Variants in OR2K2 observed in about 807,000 individuals in gnomAD.
The protein encoded by OR2K2 is olfactory receptor family 2 subfamily K member 2.
OR2K2 carries 7 observed loss-of-function variants against 11.1 expected under a neutral mutation model. That is an observed-to-expected ratio of 0.63 (90% confidence interval 0.36 to 1.19). OR2K2 has a LOEUF of 1.19. Ranked by LOEUF, OR2K2 falls within the 50% of genes most tolerant of loss-of-function variation. The pLI, the probability that OR2K2 is intolerant of heterozygous loss-of-function variation, is 0.02. For missense variants in OR2K2, 391 were observed against 383.4 expected (o/e 1.02, Z -0.17); for synonymous variants, 152 against 150.8 (o/e 1.01, Z -0.06).
rs571853918 is a variant in OR2K2, at chr9:111,328,204, G to C, written c.230C>G (p.Ser77Cys). 17 of 1,614,224 alleles carry C rather than the reference G, an allele frequency of 1.1e-5. No individual in the cohort carries two copies. The African/African-American group carries it at 2.0e-4, about 19-fold the overall frequency. The change falls in exon 2 of 2, where the codon TCT (serine) becomes TGT (cysteine). Residue 77 changes from serine (S) to cysteine (C), a missense_variant. Physicochemically the swap from Ser to Cys is moderately radical, Grantham distance 112 (BLOSUM62 -1). Coordinates refer to ENST00000302681, the MANE Select transcript of OR2K2 (RefSeq NM_205859.2). Reference sequence around the variant, plus strand: ...CAAGTTCACCAGCAAAGTAGGAACAGAGGCAGATGTGTAACAAATATCCAT... The same window carrying C: ...CAAGTTCACCAGCAAAGTAGGAACACAGGCAGATGTGTAACAAATATCCAT... Reference protein sequence around the residue: ...SFMDICYTSASVPTLLVNLLS... With the variant: ...SFMDICYTSACVPTLLVNLLS...
Position 111,327,480 on chromosome 9 carries a change from C to G in OR2K2, c.*3G>C. ...CATCTCTGGTAAAACCATAGGGACC[C>G]AATCAGAGATGTTCGTGTGTTTGAT... On this transcript the variant is annotated 3_prime_UTR_variant, in exon 2 of 2. Transcript: ENST00000302681. 6.3e-7 allele frequency: 1 copy of G among 1,577,234 alleles called. No individual in the cohort carries two copies. Among genetic ancestry groups the G allele is most frequent in the Non-Finnish European group, 8.6e-7 (1 of 1,159,572 alleles).
Position 111,328,387 on chromosome 9 carries a change from C to A in OR2K2, c.47G>T (p.Gly16Val). 6.2e-7 allele frequency: 1 copy of A among 1,612,354 alleles called. No homozygotes were observed. Among genetic ancestry groups the A allele is most frequent in the South Asian group, 1.1e-5 (1 of 91,028 alleles). Residue 16 changes from glycine (G) to valine (V), a missense_variant, in exon 2 of 2, where the codon GGA becomes GTA. Transcript: ENST00000302681. ...TTCTAACCCTGGGTACTGGGAAAAT[C>A]CCTCCAAGAAAAAAATGCTCCAAAT... is the stretch of plus-strand genomic sequence containing the variant. Reference protein sequence around the residue: ...FTIWSIFFLEGFSQYPGLEVV... With the variant: ...FTIWSIFFLEVFSQYPGLEVV...
Position 111,328,284 on chromosome 9 carries a change from G to T in OR2K2, c.150C>A (p.Ile50=). 6.2e-7 allele frequency: 1 copy of T among 1,614,126 alleles called. No individual in the cohort carries two copies. The highest frequency in any genetic ancestry group is 8.5e-7 in the Non-Finnish European group (1 of 1,180,008). Residue 50 remains isoleucine, a synonymous_variant, in exon 2 of 2, where the codon ATC becomes ATA. Transcript: ENST00000302681. The stretch of plus-strand genomic sequence containing the variant: ...TGGGGGTTTTAAGGCGTGAATCTAG[G>T]ATAGTGATCAAAATAAGAGTGCTGT... ...LGNSTLILIT[I]LDSRLKTPMY...
At position 111,328,419 on chromosome 9, in the gene OR2K2, GTTTTCT is replaced by G; in HGVS notation, c.9_14del (p.Glu4_Asn5del). 2 of 1,606,534 alleles carry G rather than the reference GTTTTCT, an allele frequency of 1.2e-6. No homozygotes were observed. Among genetic ancestry groups the G allele is most frequent in the Non-Finnish European group, 1.7e-6 (2 of 1,178,054 alleles). On this transcript the variant is annotated inframe_deletion, in exon 2 of 2. Coordinates refer to ENST00000302681, the MANE Select transcript of OR2K2 (RefSeq NM_205859.2). ...AGAAAAAAATGCTCCAAATGGTGAA[GTTTTCT>G]CCTTGCATTTTCTTTCTTTCATCTA... is the stretch of plus-strand genomic sequence containing the variant.
chr9:111,327,435 G>A lies in OR2K2; in HGVS notation c.*48C>T. The A allele has an allele frequency of 4.0e-6, 5 of 1,262,300 alleles. No homozygotes were observed. Among genetic ancestry groups the A allele is most frequent in the Non-Finnish European group, 5.6e-6 (5 of 897,258 alleles). The allele number at this position is 1,262,300 out of a possible 1,614,324, so 78.2% of individuals were successfully genotyped here. A position where few individuals can be genotyped will look rare whatever the true frequency, so the allele number is the denominator to read the frequency against. On this transcript the variant is annotated 3_prime_UTR_variant, in exon 2 of 2. Coordinates refer to ENST00000302681, the MANE Select transcript of OR2K2 (RefSeq NM_205859.2). ...GTTGTATGTTGTCTCGAATTTCTCTGATGAGCTCTGCCAGGGGCACATCTC... is the reference window on the plus strand; with the variant it reads ...GTTGTATGTTGTCTCGAATTTCTCTAATGAGCTCTGCCAGGGGCACATCTC...
chr9:111,329,201 C>CA (rs1202723378), intron 1 of OR2K2, among the ~76,000 whole-genome samples: 2 of 150,492 alleles, frequency 1.3e-5, no homozygotes, highest in Admixed American at 6.6e-5. Context: ...GACTCTGTCT[C>CA]AAAAAAAAGA....
chr9:111,328,631 T>A, intron 1 of OR2K2, 149 bp from the exon 2 acceptor site: 3 of 569,670 alleles, frequency 5.3e-6, no homozygotes, highest in Non-Finnish European at 3.1e-6. Context: ...CAGGTTGATG[T>A]ACATAAGTTG....
intron 1 of OR2K2, 136 bp from the exon 2 acceptor site, chr9:111,328,618 G>T (rs75629623): frequency 3.4e-6 from 2 of 588,118 alleles, no homozygotes; most frequent in Non-Finnish European, 6.0e-6. Context: ...GTAAGGGGGG[G>T]AGCAGGTTGA....
In OR2K2 at chr9:111,327,399, A is replaced by T. The variant is rs2098101521; in HGVS notation, c.*84T>A. On this transcript the variant is annotated 3_prime_UTR_variant, in exon 2 of 2. Transcript: ENST00000302681. ...TTATATAGAGATAAGATCCGATCAGAGTTCTAAGAGGTTGTATGTTGTCTC... is the reference window on the plus strand; with the variant it reads ...TTATATAGAGATAAGATCCGATCAGTGTTCTAAGAGGTTGTATGTTGTCTC... 1.2e-6 allele frequency: 1 copy of T among 840,266 alleles called. No individual in the cohort carries two copies. The highest frequency in any genetic ancestry group is 1.9e-6 in the Non-Finnish European group (1 of 520,118). 52.1% of individuals were successfully genotyped at this position (840,266 alleles called of 1,614,324 possible). A position where few individuals can be genotyped will look rare whatever the true frequency, so the allele number is the denominator to read the frequency against.
chr9:111,327,351 G>A lies in OR2K2; in HGVS notation c.*132C>T, dbSNP rs776328550. 6.5e-5 allele frequency: 40 copies of A among 615,994 alleles called. No homozygotes were observed. Among genetic ancestry groups the A allele is most frequent in the Non-Finnish European group, 1.1e-4 (39 of 348,290 alleles). The allele number at this position is 615,994 out of a possible 1,614,324, so 38.2% of individuals were successfully genotyped here. A position where few individuals can be genotyped will look rare whatever the true frequency, so the allele number is the denominator to read the frequency against. On this transcript the variant is annotated 3_prime_UTR_variant, in exon 2 of 2. Coordinates refer to ENST00000302681, the MANE Select transcript of OR2K2 (RefSeq NM_205859.2). ...TATTATTAATAGGCAATCACTCTGT[G>A]TATGCAGCTCATAACTGTGAAATTA...
rs750980328 is a variant in OR2K2 at position 111,327,761 on chromosome 9, G to A, written c.673C>T (p.Leu225=). Residue 225 remains leucine, a synonymous_variant, in exon 2 of 2, where the codon CTG becomes TTG. Coordinates refer to ENST00000302681, the MANE Select transcript of OR2K2 (RefSeq NM_205859.2). The part of the protein sequence containing the change: ...ISYIFILSTI[L]RITSAEGRNK... ...CTTCCCTCTGCTGAGGTGATTCTCA[G>A]AATAGTGGAAAGGATGAAGATGTAA... 1.2e-6 allele frequency: 2 copies of A among 1,614,068 alleles called. No individual in the cohort carries two copies. Among genetic ancestry groups the A allele is most frequent in the African/African-American group, 2.7e-5 (2 of 74,924 alleles).
At chr9:111,328,518 C>G in intron 1 of OR2K2, 36 bp from the exon 2 acceptor site, 2 of 898,738 alleles carry the variant, frequency 2.2e-6, no homozygotes, top group Non-Finnish European at 3.4e-6. Flanking sequence ...GTGTGATATT[C>G]ATTTAGTTAG....
chr9:111,329,035 G>C (rs919364803), intron 1 of OR2K2, among the ~76,000 whole-genome samples: 1 of 152,032 alleles, frequency 6.6e-6, no homozygotes, highest in Admixed American at 6.6e-5. Flanking sequence ...CAACATGATG[G>C]TGAAATCCTA....
Position 111,327,761 on chromosome 9 carries a change from G to C in OR2K2, c.673C>G (p.Leu225Val). ...CTTCCCTCTGCTGAGGTGATTCTCA[G>C]AATAGTGGAAAGGATGAAGATGTAA... ...ISYIFILSTI[L>V]RITSAEGRNK... Residue 225 changes from leucine (L) to valine (V), a missense_variant, in exon 2 of 2, where the codon CTG (leucine) becomes GTG (valine). Physicochemically the swap from Leu to Val is conservative, Grantham distance 32. Transcript: ENST00000302681. 1 of 1,614,186 alleles carries C rather than the reference G, an allele frequency of 6.2e-7. No homozygotes were observed. The highest frequency in any genetic ancestry group is 2.2e-5 in the East Asian group (1 of 44,884).
In OR2K2 at chr9:111,327,889, G is replaced by A. The variant is rs778396633; in HGVS notation, c.545C>T (p.Ala182Val). 49 of 1,614,056 alleles carry A rather than the reference G, an allele frequency of 3.0e-5. No homozygotes were observed. Among genetic ancestry groups the A allele is most frequent in the Non-Finnish European group, 3.8e-5 (45 of 1,180,044 alleles). Reference protein sequence around the residue: ...LIDHFTCEILAVLKLACTSSL... With the variant: ...LIDHFTCEILVVLKLACTSSL... ...ACTTGTGCAAGCTAACTTTAGCACC[G>A]CCAGAATTTCACACGTGAAGTGATC... Residue 182 changes from alanine to valine, a missense_variant, in exon 2 of 2, where the codon GCG becomes GTG. Transcript: ENST00000302681.
chr9:111,327,685 T>C lies in OR2K2; in HGVS notation c.749A>G (p.Tyr250Cys). 2 of 1,614,108 alleles carry C rather than the reference T, an allele frequency of 1.2e-6. No homozygotes were observed. ...CGAHLTVVIL[Y>C]YGAALSMYLK... is the part of the protein sequence containing the mutation. ...GTACATAGAGAGGGCAGCCCCATAA[T>C]ACAAAATCACCACAGTCAAATGGGC... is the stretch of plus-strand genomic sequence containing the variant. Residue 250 changes from tyrosine (Y) to cysteine (C), a missense_variant, in exon 2 of 2, where the codon TAT becomes TGT. Tyr to Cys is a radical substitution (Grantham distance 194). Coordinates refer to ENST00000302681, the MANE Select transcript of OR2K2 (RefSeq NM_205859.2).
intron 1 of OR2K2, among the ~76,000 whole-genome samples, chr9:111,329,881 C>T (rs557085613): frequency 5.9e-5 from 9 of 152,208 alleles, no homozygotes; most frequent in East Asian, 1.9e-4. Flanking sequence ...AACCTTCAAC[C>T]GTTTTCTTTC....
At chr9:111,328,873 A>G (rs1039748163) in intron 1 of OR2K2, among the ~76,000 whole-genome samples, 2 of 152,218 alleles carry the variant, frequency 1.3e-5, no homozygotes, top group African/African-American at 4.8e-5. Context: ...TACAATAAAA[A>G]GCAATATTGA....
Position 111,327,602 on chromosome 9 carries a change from C to T in OR2K2, c.832G>A (p.Gly278Arg), listed in dbSNP as rs61748723. The T allele has an allele frequency of 0.076, 123,152 of 1,613,780 alleles. 5,674 individuals are homozygous for T. Among genetic ancestry groups the T allele is most frequent in the East Asian group, 0.19 (8,596 of 44,864 alleles). ...KIDKIISLLY[G>R]VLTPMLNPII... is the part of the protein sequence containing the mutation. ...GGGTTCAACATAGGGGTAAGCACTC[C>T]GTAAAGCAACGAGATGATTTTGTCT... The change falls in exon 2 of 2, where the codon GGA becomes AGA. Residue 278 changes from glycine (G) to arginine (R), a missense_variant. Gly to Arg is a moderately radical substitution (Grantham distance 125, BLOSUM62 -2). Coordinates refer to ENST00000302681, the MANE Select transcript of OR2K2 (RefSeq NM_205859.2).
Sources: gnomAD v4.1 joint callset for allele counts (sites outside exome capture counted in the v4.1 genomes callset) on GRCh38, gnomAD v4.1.1 for gene constraint, MANE v1.5 for transcripts, NCBI Gene and HGNC (gene_info 2026-07-23, HGNC 2026-07-21) for gene names.